The following IQGAP2 variants were observed in gnomAD, a reference collection of about 807,000 sequenced individuals.
The protein encoded by IQGAP2 is ras GTPase-activating-like protein IQGAP2.
In IQGAP2, 173 loss-of-function variants were observed where a neutral mutation model predicts 201.3. That is an observed-to-expected ratio of 0.86 (90% CI 0.76 to 0.98). IQGAP2 has a LOEUF of 0.98. Among genes scored for constraint, IQGAP2 ranks in the 50% least tolerant of loss-of-function variants. IQGAP2 has a pLI of 0.00. For missense variants in IQGAP2, 1,687 were observed against 1,864.8 expected, an observed-to-expected ratio of 0.90 and a Z score of 1.76; for synonymous variants, 675 against 673.9, an observed-to-expected ratio of 1.00 and a Z score of -0.03.
At chr5:76,501,725 C>G (rs2150169461) in intron 2 of IQGAP2, among the ~76,000 whole-genome samples, 1 of 149,748 alleles carries the variant, frequency 6.7e-6, no homozygotes, top group African/African-American at 2.5e-5. Flanking sequence ...TCACTGCAAC[C>G]TCCGCCTCCT....
chr5:76,686,863 A>G (rs112580360), intron 30 of IQGAP2, among the ~76,000 whole-genome samples: 36 of 152,270 alleles, frequency 2.4e-4, no homozygotes, highest in African/African-American at 6.7e-4. Context: ...TATTAGTTAA[A>G]CAGACTATTC....
At chr5:76,493,623 T>C (rs1756701282) in intron 2 of IQGAP2, among the ~76,000 whole-genome samples, 1 of 152,210 alleles carries the variant, frequency 6.6e-6, no homozygotes, top group Non-Finnish European at 1.5e-5. Flanking sequence ...GTGGCTCTTT[T>C]TTTGGAATTA....
At chr5:76,444,960 AC>A (rs1309585263) in intron 1 of IQGAP2, among the ~76,000 whole-genome samples, 1 of 152,238 alleles carries the variant, frequency 6.6e-6, no homozygotes, top group Non-Finnish European at 1.5e-5. Context: ...AGAGAATTAG[AC>A]CAGAGAGATA....
intron 5 of IQGAP2, 111 bp from the exon 6 acceptor site, chr5:76,588,795 A>C: frequency 2.0e-6 from 1 of 499,422 alleles, no homozygotes; most frequent in Non-Finnish European, 3.5e-6. Context: ...TGAATAGACT[A>C]GATATCTCTT....
intron 12 of IQGAP2, among the ~76,000 whole-genome samples, chr5:76,610,106 ATATATATATTTTTTTTT>A (rs1561506246): frequency 5.2e-4 from 9 of 17,218 alleles, no homozygotes; most frequent in African/African-American, 1.7e-3. Context: ...ATATATATAT[ATATATATATTTTTTTTT>A]TTTTTTTTTT....
intron 1 of IQGAP2, among the ~76,000 whole-genome samples, chr5:76,429,955 G>A (rs191202177): frequency 1.1e-3 from 166 of 151,760 alleles, no homozygotes; most frequent in African/African-American, 3.9e-3. Context: ...ATCCATCTAG[G>A]TAGAGAGAGT....
chr5:76,479,261 G>A lies in IQGAP2; in HGVS notation c.146+17592G>A, dbSNP rs187488455. On this transcript the variant is annotated intron_variant, in intron 2 of 35. Transcript: ENST00000274364. The stretch of plus-strand genomic sequence containing the variant: ...CTCGCTGTACCCCACTGCCTTGCAC[G>A]GGGCCTGTGCAGAATGGGTGCTAGG... 3.9e-3 allele frequency among the ~76,000 whole-genome samples: 589 copies of A among 152,242 alleles called. 8 individuals carry two copies. Among genetic ancestry groups the A allele is most frequent in the Middle Eastern group, 6.8e-3 (2 of 292 alleles).
At chr5:76,428,437 CTT>C (rs1003388325) in intron 1 of IQGAP2, among the ~76,000 whole-genome samples, 16 of 135,656 alleles carry the variant, frequency 1.2e-4, no homozygotes, top group Admixed American at 3.0e-4. Flanking sequence ...ATCCTTTTTT[CTT>C]TTTTTTTTTT....
intron 28 of IQGAP2, 188 bp downstream of exon 28, chr5:76,677,538 C>G: frequency 7.0e-6 from 3 of 431,414 alleles, no homozygotes; most frequent in Non-Finnish European, 1.2e-5. Context: ...TCCCAAACAA[C>G]AAAATTCTAT....
intron 2 of IQGAP2, among the ~76,000 whole-genome samples, chr5:76,538,672 C>G (rs182876129): frequency 1.3e-5 from 2 of 152,302 alleles, no homozygotes; most frequent in East Asian, 3.9e-4. Context: ...GCACTGCTTA[C>G]CACTGTGCCC....
intron 13 of IQGAP2, chr5:76,624,548 A>G (rs1488049489): frequency 1.3e-5 from 2 of 152,238 alleles, no homozygotes; most frequent in Admixed American, 6.5e-5. Context: ...GAATGTTATT[A>G]TATTGCAGAA....
chr5:76,597,599 C>G lies in IQGAP2; in HGVS notation c.1068C>G (p.Thr356=). The part of the protein sequence containing the change: ...NELFNLQKQN[T]MNYLAHEELL... ...TTTTCAACCTCCAGAAACAGAACAC[C>G]ATGGTAAGTCAGAGGAGACCCCAGC... The change falls in exon 10 of 36, where the codon ACC becomes ACG. Residue 356 remains threonine (T), a synonymous_variant. Transcript: ENST00000274364. 1.2e-6 allele frequency: 2 copies of G among 1,613,844 alleles called. No individual in the cohort carries two copies. Among genetic ancestry groups the G allele is most frequent in the Non-Finnish European group, 1.7e-6 (2 of 1,179,940 alleles).
chr5:76,508,969 C>A (rs1757778540), intron 2 of IQGAP2, among the ~76,000 whole-genome samples: 1 of 151,772 alleles, frequency 6.6e-6, no homozygotes, highest in Non-Finnish European at 1.5e-5. Context: ...TACCATGTAC[C>A]ATGCTGATGA....
At chr5:76,417,645 A>T (rs1029301974) in intron 1 of IQGAP2, among the ~76,000 whole-genome samples, 3 of 151,870 alleles carry the variant, frequency 2.0e-5, no homozygotes. Context: ...CAGTGGTGCG[A>T]TCTTGGCTCA....
intron 5 of IQGAP2, among the ~76,000 whole-genome samples, chr5:76,586,736 G>A (rs1421156999): frequency 6.6e-6 from 1 of 152,224 alleles, no homozygotes; most frequent in African/African-American, 2.4e-5. Context: ...TCTGGCACCT[G>A]TTGCTCAGAA....
At chr5:76,601,803 TA>T (rs1241142541) in intron 11 of IQGAP2, among the ~76,000 whole-genome samples, 8 of 152,202 alleles carry the variant, frequency 5.3e-5, no homozygotes, top group African/African-American at 1.9e-4. Context: ...AAACAAATGG[TA>T]TTTGACCACT....
chr5:76,641,031 CA>C lies in IQGAP2; in HGVS notation c.2023del (p.Ile675SerfsTer51). 6.2e-7 allele frequency: 1 copy of C among 1,611,210 alleles called. No homozygotes were observed. Among genetic ancestry groups the C allele is most frequent in the Non-Finnish European group, 8.5e-7 (1 of 1,177,654 alleles). Reference protein sequence around the residue: ...LRFQATSSGPILREEFEARKS... With the variant: ...LRFQATSSGPXLREEFEARKS... ...GCTTTCAAGCCACAAGCTCAGGACC[CA>C]TCCTTAGGGAAGAGTTTGAAGCTAG... On this transcript the variant is annotated frameshift_variant, in exon 17 of 36. Transcript: ENST00000274364. LOFTEE classifies it high-confidence loss of function.
At chr5:76,468,052 T>A (rs2150132122) in intron 2 of IQGAP2, among the ~76,000 whole-genome samples, 1 of 152,284 alleles carries the variant, frequency 6.6e-6, no homozygotes, top group East Asian at 1.9e-4. Flanking sequence ...TGCACAACTT[T>A]GAGTATACTA....
chr5:76,613,983 G>A (rs780854794), intron 13 of IQGAP2, among the ~76,000 whole-genome samples: 4 of 152,068 alleles, frequency 2.6e-5, no homozygotes, highest in Non-Finnish European at 5.9e-5. Flanking sequence ...ATGAGCCACC[G>A]CACCCGGCTT....
Sources: gnomAD v4.1 joint callset for allele counts (sites outside exome capture counted in the v4.1 genomes callset) on GRCh38, gnomAD v4.1.1 for gene constraint, MANE v1.5 for transcripts, NCBI Gene and HGNC (gene_info 2026-07-23, HGNC 2026-07-21) for gene names.